Variants in SLC9B1 observed in about 807,000 individuals in gnomAD.
SLC9B1 encodes the protein solute carrier family 9 member B1.
A neutral mutation model predicts 51.7 loss-of-function variants in SLC9B1; 32 were observed. The ratio of observed to expected loss-of-function variants is 0.62; its 90% CI spans 0.47 to 0.83. SLC9B1 has a LOEUF of 0.83. Ranked by LOEUF, SLC9B1 falls within the 40% of genes least tolerant of loss-of-function variation. The pLI is 0.00. For synonymous variants in SLC9B1, 145 were observed against 212.7 expected (o/e 0.68, Z 2.77); for missense variants, 406 against 613.2 (o/e 0.66, Z 3.57).
intron 7 of SLC9B1, among the ~76,000 whole-genome samples, chr4:102,922,584 CA>C (rs1216650717): frequency 2.0e-5 from 3 of 151,902 alleles, no homozygotes; most frequent in Admixed American, 6.6e-5. Flanking sequence ...GATACAGACA[CA>C]AAAAACCCTT....
intron 6 of SLC9B1, among the ~76,000 whole-genome samples, chr4:102,940,037 T>C (rs1284915848): frequency 1.3e-5 from 2 of 152,132 alleles, no homozygotes; most frequent in Admixed American, 6.6e-5. Flanking sequence ...CACAGACATC[T>C]AAATAGGAAG....
At chr4:102,928,942 G>C (rs1259128041) in intron 7 of SLC9B1, among the ~76,000 whole-genome samples, 2 of 152,122 alleles carry the variant, frequency 1.3e-5, no homozygotes, top group African/African-American at 4.8e-5. Flanking sequence ...AAAGATGAGG[G>C]CCAGAAAGCT....
At chr4:102,927,237 A>G (rs1387372163) in intron 7 of SLC9B1, among the ~76,000 whole-genome samples, 1 of 152,254 alleles carries the variant, frequency 6.6e-6, no homozygotes, top group Non-Finnish European at 1.5e-5. Context: ...AACAGAAGCC[A>G]AAATTGAGAA....
chr4:102,942,096 A>T (rs1473318853), intron 6 of SLC9B1, among the ~76,000 whole-genome samples: 1 of 152,132 alleles, frequency 6.6e-6, no homozygotes, highest in African/African-American at 2.4e-5. Flanking sequence ...AAACAAACAA[A>T]CAAAACCAAA....
chr4:102,963,721 T>C (rs1466042509), intron 3 of SLC9B1, among the ~76,000 whole-genome samples: 1 of 152,184 alleles, frequency 6.6e-6, no homozygotes, highest in Non-Finnish European at 1.5e-5. Context: ...TATAAATCCT[T>C]TTCCCCCAGC....
At chr4:102,950,367 T>TCTTGTTGC (rs1223672269) in intron 3 of SLC9B1, among the ~76,000 whole-genome samples, 2 of 152,174 alleles carry the variant, frequency 1.3e-5, no homozygotes, top group Admixed American at 1.3e-4. Context: ...TTACTAGACA[T>TCTTGTTGC]CTTGTTTCTG....
chr4:102,970,103 G>A (rs1278846097), intron 3 of SLC9B1, among the ~76,000 whole-genome samples: 1 of 152,128 alleles, frequency 6.6e-6, no homozygotes, highest in Non-Finnish European at 1.5e-5. Flanking sequence ...ACCTAGCAAG[G>A]CAGGCCAACA....
chr4:102,974,240 TTGAAAAAAAAAAAAAA>T (rs1738923692), intron 3 of SLC9B1, among the ~76,000 whole-genome samples: 1 of 76,276 alleles, frequency 1.3e-5, no homozygotes, highest in African/African-American at 5.2e-5. Flanking sequence ...CTGTCTAAAA[TTGAAAAAAAAAAAAAA>T]AAAAAAAAAA....
At chr4:102,936,103 G>A (rs1434708310) in intron 6 of SLC9B1, among the ~76,000 whole-genome samples, 1 of 152,200 alleles carries the variant, frequency 6.6e-6, no homozygotes, top group Non-Finnish European at 1.5e-5. Context: ...TGTGGGTATG[G>A]TACCAGCCCT....
chr4:103,003,300 A>T (rs1233739196), intron 1 of SLC9B1, among the ~76,000 whole-genome samples: 1 of 152,124 alleles, frequency 6.6e-6, no homozygotes, highest in Non-Finnish European at 1.5e-5. Context: ...ATACTACTTC[A>T]TCTTCTTTCA....
chr4:102,987,160 G>T (rs1435235879), intron 3 of SLC9B1, among the ~76,000 whole-genome samples: 1 of 152,074 alleles, frequency 6.6e-6, no homozygotes, highest in East Asian at 1.9e-4. Flanking sequence ...CAGTCTTTTA[G>T]TAGGCCTGTG....
chr4:102,937,933 C>A (rs546538855), intron 6 of SLC9B1, among the ~76,000 whole-genome samples: 22 of 152,090 alleles, frequency 1.4e-4, no homozygotes, highest in African/African-American at 4.8e-4. Flanking sequence ...CGTTTAAGTA[C>A]ATAGAACATT....
chr4:102,976,702 T>C (rs906459943), intron 3 of SLC9B1, among the ~76,000 whole-genome samples: 4 of 152,222 alleles, frequency 2.6e-5, no homozygotes, highest in Non-Finnish European at 4.4e-5. Context: ...GACACAGATA[T>C]AGCAACGTGA....
Position 102,946,546 on chromosome 4 carries a change from A to C in SLC9B1, c.525+101T>G. On this transcript the variant is annotated intron_variant, in intron 5 of 11. Coordinates refer to ENST00000296422, the MANE Select transcript of SLC9B1 (RefSeq NM_139173.4). ...TTCTTTATCTTAGGTTTGTTTACAG[A>C]CTCTATTTGGAACAGGAAAATAAAA... 1.5e-6 allele frequency: 2 copies of C among 1,292,454 alleles called. 1 individual carries two copies. The highest frequency in any genetic ancestry group is 2.1e-6 in the Non-Finnish European group (2 of 931,004). 80.1% of individuals were successfully genotyped at this position (1,292,454 alleles called of 1,614,324 possible). A position where few individuals can be genotyped will look rare whatever the true frequency, so the allele number is the denominator to read the frequency against.
intron 1 of SLC9B1, among the ~76,000 whole-genome samples, chr4:103,018,942 T>A (rs1741572916): frequency 6.6e-6 from 1 of 152,202 alleles, no homozygotes; most frequent in African/African-American, 2.4e-5. Context: ...GACCTGATTA[T>A]GAACTGCGCA....
At chr4:103,007,109 T>C (rs2110536540) in intron 1 of SLC9B1, among the ~76,000 whole-genome samples, 1 of 152,250 alleles carries the variant, frequency 6.6e-6, no homozygotes, top group African/African-American at 2.4e-5. Flanking sequence ...AACATAATAC[T>C]GGAAGTTCTA....
At chr4:102,901,968 T>C (rs1016298722) in intron 11 of SLC9B1, among the ~76,000 whole-genome samples, 2 of 152,152 alleles carry the variant, frequency 1.3e-5, no homozygotes, top group African/African-American at 2.4e-5. Context: ...AAATTAAATA[T>C]GAGAATGCAA....
chr4:102,985,644 A>G (rs1739580705), intron 3 of SLC9B1, among the ~76,000 whole-genome samples: 1 of 151,130 alleles, frequency 6.6e-6, no homozygotes, highest in African/African-American at 2.4e-5. Context: ...CTGCCTCAGC[A>G]TCTTGAGTAG....
chr4:102,920,641 G>A (rs1179964211), intron 7 of SLC9B1, among the ~76,000 whole-genome samples: 6 of 152,088 alleles, frequency 3.9e-5, no homozygotes, highest in Admixed American at 1.3e-4. Flanking sequence ...GGAACCCATC[G>A]CAAGGAAGGT....
Sources: allele counts gnomAD v4.1 joint callset (sites outside exome capture counted in the v4.1 genomes callset), GRCh38; gene constraint gnomAD v4.1.1; transcripts MANE v1.5; gene names NCBI Gene and HGNC (gene_info 2026-07-23, HGNC 2026-07-21).